GNL3L: variants seen among roughly 807,000 people sequenced by gnomAD.
GNL3L encodes guanine nucleotide-binding protein-like 3-like protein.
A neutral mutation model predicts 42.9 loss-of-function variants in GNL3L; 4 were observed. The observed-to-expected ratio is 0.09, with a 90% CI of 0.05 to 0.21. The LOEUF is 0.21. Ranked by LOEUF, GNL3L falls within the 10% of genes least tolerant of loss-of-function variation. GNL3L has a pLI of 1.00. For synonymous variants in GNL3L, 159 were observed against 176.3 expected, an observed-to-expected ratio of 0.90 and a Z score of 0.78; for missense variants, 412 against 481.7, an observed-to-expected ratio of 0.86 and a Z score of 1.36.
At chrX:54,571,711 G>A (rs762304472), downstream of GNL3L, among the ~76,000 whole-genome samples, 11 of 110,130 alleles carry the variant, frequency 1.0e-4, no homozygotes, top group Admixed American at 4.9e-4. Flanking sequence ...TTTGAGCAAT[G>A]TAATTATAAT....
At chrX:54,605,535 G>A (rs1219148217) in intron 16 of GNL3L, among the ~76,000 whole-genome samples, 1 of 111,459 alleles carries the variant, frequency 9.0e-6, no homozygotes, top group Non-Finnish European at 1.9e-5. Flanking sequence ...CTCAATCTTG[G>A]TGCTGTACTG....
chrX:54,634,271 G>T, the GNL3L span, among the ~76,000 whole-genome samples: 3 of 111,549 alleles, frequency 2.7e-5, no homozygotes, highest in Non-Finnish European at 5.6e-5. Flanking sequence ...TGTCCTATGG[G>T]TCCCTTAAGC....
chrX:54,584,947 A>G (rs941622182), intron 16 of GNL3L, among the ~76,000 whole-genome samples: 2 of 111,446 alleles, frequency 1.8e-5, no homozygotes, highest in Non-Finnish European at 1.9e-5. Context: ...CACTACTCCC[A>G]GCTAGTTTAT....
At chrX:54,630,801 C>T in the GNL3L span, among the ~76,000 whole-genome samples, 40 of 94,668 alleles carry the variant, frequency 4.2e-4, no homozygotes, top group Admixed American at 4.0e-3. Context: ...TCTTTCTTTT[C>T]TCTCTCTCTC....
At chrX:54,644,536 T>C in the GNL3L span, among the ~76,000 whole-genome samples, 13 of 112,112 alleles carry the variant, frequency 1.2e-4, no homozygotes, top group Non-Finnish European at 2.4e-4. Context: ...TATTGACTCA[T>C]TGAATTGGAA....
intron 16 of GNL3L, among the ~76,000 whole-genome samples, chrX:54,593,660 TCTTG>T (rs1413349442): frequency 9.0e-6 from 1 of 111,417 alleles, no homozygotes. Flanking sequence ...TTTGGTTTTC[TCTTG>T]CTTTTCTAGT....
rs762796179 is a variant in GNL3L, at chrX:54,532,560, G to C, written c.-7G>C. On this transcript the variant is annotated 5_prime_UTR_variant, in exon 2 of 16. Coordinates refer to ENST00000360845, the MANE Select transcript of GNL3L (RefSeq NM_001184819.2). Reference sequence around the variant, plus strand: ...ATTTGAACCTATCTGCTTTCAAGCTGGTCATCATGATGAAACTTAGACACA... The same window carrying C: ...ATTTGAACCTATCTGCTTTCAAGCTCGTCATCATGATGAAACTTAGACACA... 4.2e-6 allele frequency: 5 copies of C among 1,187,809 alleles called. No individual in the cohort carries two copies. In the African/African-American group the frequency reaches 8.8e-5, roughly 21 times the overall value.
chrX:54,554,367 A>C (rs1278176780), intron 13 of GNL3L, among the ~76,000 whole-genome samples, 198 bp from the exon 14 acceptor site: 1 of 111,707 alleles, frequency 9.0e-6, no homozygotes, highest in Non-Finnish European at 1.9e-5. Flanking sequence ...CTCTGAGTCC[A>C]GCTCCCAGCA....
intron 2 of GNL3L, among the ~76,000 whole-genome samples, chrX:54,535,480 T>C (rs1422345402): frequency 8.9e-6 from 1 of 112,100 alleles, no homozygotes; most frequent in Non-Finnish European, 1.9e-5. Context: ...ATTTATGTTT[T>C]GCTAACTTGA....
intron 2 of GNL3L, among the ~76,000 whole-genome samples, chrX:54,535,272 C>T (rs1197624713): frequency 2.7e-5 from 3 of 110,477 alleles, no homozygotes; most frequent in Non-Finnish European, 5.7e-5. Flanking sequence ...GTGCCTGCCA[C>T]CATGCCCAGC....
At chrX:54,581,103 A>G (rs1305433170) in intron 16 of GNL3L, among the ~76,000 whole-genome samples, 1 of 112,127 alleles carries the variant, frequency 8.9e-6, no homozygotes, top group African/African-American at 3.2e-5. Context: ...TTTTAGATGC[A>G]GTTGTACAAA....
Position 54,560,536 on chromosome X carries a change from G to T in GNL3L, c.1683G>T (p.Lys561Asn). The change falls in exon 16 of 16, where the codon AAG becomes AAT. Residue 561 changes from lysine (K) to asparagine (N), a missense_variant. Lys to Asn is a moderately conservative substitution (Grantham distance 94, BLOSUM62 0). Coordinates refer to ENST00000360845, the MANE Select transcript of GNL3L (RefSeq NM_001184819.2). ...CATTTGCAGATAAAATCGCCAGCAA[G>T]CTGTCTGATTCCATGATGTCTGCTC... is the stretch of plus-strand genomic sequence containing the variant. Reference protein sequence around the residue: ...MQKRADKIASKLSDSMMSALD... With the variant: ...MQKRADKIASNLSDSMMSALD... The T allele has an allele frequency of 8.5e-7, 1 of 1,171,341 alleles. No individual in the cohort carries two copies. The highest frequency in any genetic ancestry group is 1.2e-6 in the Non-Finnish European group (1 of 858,920).
At chrX:54,538,427 CTG>C (rs1358154877) in intron 2 of GNL3L, among the ~76,000 whole-genome samples, 6 of 112,057 alleles carry the variant, frequency 5.4e-5, no homozygotes, top group African/African-American at 1.9e-4. Flanking sequence ...AATAGGCCAA[CTG>C]TGAACGGGTT....
chrX:54,559,780 T>C (rs761674592), intron 15 of GNL3L, among the ~76,000 whole-genome samples: 1 of 111,963 alleles, frequency 8.9e-6, no homozygotes, highest in African/African-American at 3.2e-5. Flanking sequence ...TTTGGGTTGA[T>C]TGACCCCAAC....
intron 7 of GNL3L, 69 bp from the exon 8 acceptor site, chrX:54,544,154 T>G: frequency 1.7e-6 from 1 of 574,344 alleles, no homozygotes; most frequent in Non-Finnish European, 3.0e-6. Context: ...CGGGTGGAGG[T>G]GTCTTTGGAG....
At chrX:54,629,444 G>A in the GNL3L span, among the ~76,000 whole-genome samples, 6 of 111,409 alleles carry the variant, frequency 5.4e-5, no homozygotes, top group East Asian at 1.4e-3. Flanking sequence ...TCCCTTGTAT[G>A]CCGATTGTGC....
chrX:54,533,055 A>G (rs1924305138), intron 2 of GNL3L, among the ~76,000 whole-genome samples: 1 of 112,087 alleles, frequency 8.9e-6, no homozygotes. Context: ...ACTTCCTTGT[A>G]AGAGAATGTT....
In GNL3L at chrX:54,552,396, A is replaced by C; in HGVS notation, c.1286A>C (p.Asp429Ala). Residue 429 changes from aspartate (D) to alanine (A), a missense_variant, in exon 13 of 16, where the codon GAT becomes GCT. Physicochemically the swap from Asp to Ala is moderately radical, Grantham distance 126. Transcript: ENST00000360845. ...KEMTEVFDIE[D>A]TEQANEDTME... Reference sequence around the variant, plus strand: ...ATGACCGAGGTCTTTGACATCGAGGATACTGAGCAGGCCAATGAAGACACC... The same window carrying C: ...ATGACCGAGGTCTTTGACATCGAGGCTACTGAGCAGGCCAATGAAGACACC... 2 of 1,210,470 alleles carry C rather than the reference A, an allele frequency of 1.7e-6. No individual in the cohort carries two copies. The highest frequency in any genetic ancestry group is 3.5e-5 in the African/African-American group (2 of 57,750).
the GNL3L span, among the ~76,000 whole-genome samples, chrX:54,640,408 CAG>C: frequency 8.9e-6 from 1 of 112,015 alleles, no homozygotes; most frequent in Non-Finnish European, 1.9e-5. Context: ...TTGTTGCAGT[CAG>C]AGTGTACACA....
Sources: allele counts gnomAD v4.1 joint callset (sites outside exome capture counted in the v4.1 genomes callset), GRCh38; gene constraint gnomAD v4.1.1; transcripts MANE v1.5; gene names NCBI Gene and HGNC (gene_info 2026-07-23, HGNC 2026-07-21).